Variants in SPATS2L observed in about 807,000 individuals in gnomAD.
The protein encoded by SPATS2L is SPATS2-like protein.
A neutral mutation model predicts 59.6 loss-of-function variants in SPATS2L; 30 were observed. The observed-to-expected ratio is 0.50, with a 90% confidence interval of 0.38 to 0.68. The LOEUF (loss-of-function observed/expected upper bound fraction) is 0.68, where lower values mean the gene tolerates loss of function less well. Ranked by LOEUF, SPATS2L falls within the 30% of genes least tolerant of loss-of-function variation. The probability of loss-of-function intolerance (pLI) is 0.00; values close to 1 mark genes in which losing one functional copy is unlikely to be tolerated. For synonymous variants in SPATS2L, 252 were observed against 263.5 expected, an observed-to-expected ratio of 0.96 and a Z score of 0.42; for missense variants, 615 against 700.0, an observed-to-expected ratio of 0.88 and a Z score of 1.37.
intron 3 of SPATS2L, among the ~76,000 whole-genome samples, chr2:200,391,339 T>A (rs1431814595): frequency 2.0e-5 from 3 of 152,256 alleles, no homozygotes; most frequent in Non-Finnish European, 4.4e-5. Flanking sequence ...TGTTATTTGA[T>A]GTGTTAATAG....
upstream of SPATS2L, chr2:200,306,288 C>T: frequency 5.0e-6 from 5 of 1,002,286 alleles, no homozygotes; most frequent in Non-Finnish European, 6.0e-6. Context: ...AGTTCATTTT[C>T]TCGGGTAGGA....
At chr2:200,320,755 G>A (rs1559036845) in intron 1 of SPATS2L, among the ~76,000 whole-genome samples, 1 of 152,162 alleles carries the variant, frequency 6.6e-6, no homozygotes, top group Non-Finnish European at 1.5e-5. Context: ...TCATATTAAT[G>A]TCAAATAGCT....
intron 2 of SPATS2L, among the ~76,000 whole-genome samples, chr2:200,337,126 A>G (rs7606064): frequency 8.0e-4 from 122 of 152,290 alleles, no homozygotes; most frequent in African/African-American, 2.9e-3. Context: ...TACAAGGATG[A>G]TTTATTATTT....
At chr2:200,462,944 A>C (rs567500090) in intron 9 of SPATS2L, among the ~76,000 whole-genome samples, 1 of 146,512 alleles carries the variant, frequency 6.8e-6, no homozygotes, top group Non-Finnish European at 1.5e-5. Context: ...TAATAACAAT[A>C]ATAATAATAA....
At chr2:200,439,845 A>T (rs2084568637) in intron 7 of SPATS2L, among the ~76,000 whole-genome samples, 1 of 152,198 alleles carries the variant, frequency 6.6e-6, no homozygotes, top group South Asian at 2.1e-4. Context: ...CTGGATTTTT[A>T]TGATTTTTCT....
At chr2:200,404,465 A>G (rs142435398) in intron 3 of SPATS2L, among the ~76,000 whole-genome samples, 2 of 152,332 alleles carry the variant, frequency 1.3e-5, no homozygotes, top group East Asian at 3.9e-4. Context: ...CCCTCACAAA[A>G]TGTGGCTTGA....
At chr2:200,347,515 G>A (rs2080555260) in intron 2 of SPATS2L, among the ~76,000 whole-genome samples, 1 of 152,094 alleles carries the variant, frequency 6.6e-6, no homozygotes, top group Non-Finnish European at 1.5e-5. Flanking sequence ...CAAAGCCCCC[G>A]GTTTGCATGT....
At chr2:200,341,576 G>GT (rs1491029032) in intron 2 of SPATS2L, among the ~76,000 whole-genome samples, 1 of 133,466 alleles carries the variant, frequency 7.5e-6, no homozygotes, top group Non-Finnish European at 1.7e-5. Flanking sequence ...GAAAAACTGT[G>GT]TTTTTTTAAG....
intron 1 of SPATS2L, among the ~76,000 whole-genome samples, chr2:200,309,353 G>A (rs533830833): frequency 2.0e-5 from 3 of 152,296 alleles, no homozygotes; most frequent in South Asian, 2.1e-4. Context: ...GTTGCTCTTC[G>A]TAAGATCTAA....
At chr2:200,340,780 T>A (rs2080298049) in intron 2 of SPATS2L, among the ~76,000 whole-genome samples, 1 of 152,194 alleles carries the variant, frequency 6.6e-6, no homozygotes, top group Non-Finnish European at 1.5e-5. Context: ...AATACTTAAA[T>A]CATGTATAGT....
chr2:200,425,658 C>A (rs72922016), intron 6 of SPATS2L, among the ~76,000 whole-genome samples: 1 of 152,162 alleles, frequency 6.6e-6, no homozygotes, highest in Admixed American at 6.5e-5. Context: ...TCTTATCATT[C>A]ATTTATCCAT....
intron 6 of SPATS2L, among the ~76,000 whole-genome samples, chr2:200,432,431 T>G (rs2083994960): frequency 7.1e-6 from 1 of 139,954 alleles, no homozygotes; most frequent in South Asian, 2.5e-4. Context: ...CCCAACTTGT[T>G]CTTTTAGCTG....
intron 2 of SPATS2L, among the ~76,000 whole-genome samples, chr2:200,337,212 T>C (rs1220858973): frequency 4.6e-5 from 7 of 152,234 alleles, no homozygotes; most frequent in Non-Finnish European, 1.0e-4. Context: ...GTAGGTGTCC[T>C]GACTAATGCT....
chr2:200,381,234 C>G (rs1419583454), intron 2 of SPATS2L, among the ~76,000 whole-genome samples: 1 of 152,170 alleles, frequency 6.6e-6, no homozygotes, highest in Non-Finnish European at 1.5e-5. Flanking sequence ...TGGTTAGTCT[C>G]TGGTTTAAAA....
In SPATS2L at chr2:200,324,812, A is replaced by G. The variant is rs968183252; in HGVS notation, c.-72-4619A>G. ...ACTTAGGCAAGTATCAGCAGAGCAC[A>G]ATTTCAATACAGCAGAAGACTTTGG... On this transcript the variant is annotated intron_variant, in intron 1 of 12. Transcript: ENST00000409140. 5.5e-4 allele frequency among the ~76,000 whole-genome samples: 83 copies of G among 152,238 alleles called. 7 individuals are homozygous for G.
At chr2:200,465,857 C>A (rs2086558467) in intron 9 of SPATS2L, among the ~76,000 whole-genome samples, 1 of 152,104 alleles carries the variant, frequency 6.6e-6, no homozygotes, top group South Asian at 2.1e-4. Flanking sequence ...ATGGTGAAAC[C>A]CCGTCTCTAC....
At chr2:200,336,125 C>CA (rs964910827) in intron 2 of SPATS2L, among the ~76,000 whole-genome samples, 1 of 152,068 alleles carries the variant, frequency 6.6e-6, no homozygotes, top group East Asian at 1.9e-4. Context: ...ATATTGCAAG[C>CA]AAAAAAAGAA....
chr2:200,333,080 AGAC>A (rs2080006047), intron 2 of SPATS2L, among the ~76,000 whole-genome samples: 1 of 152,002 alleles, frequency 6.6e-6, no homozygotes. Context: ...CAGGAGTTCA[AGAC>A]CAGCCTGGGC....
chr2:200,426,176 C>T (rs1301001754), intron 6 of SPATS2L, among the ~76,000 whole-genome samples: 1 of 139,894 alleles, frequency 7.1e-6, no homozygotes, highest in East Asian at 2.2e-4. Flanking sequence ...CTGCAACCTC[C>T]ATCTCCTGGG....
Sources: allele counts gnomAD v4.1 joint callset (sites outside exome capture counted in the v4.1 genomes callset), GRCh38; gene constraint gnomAD v4.1.1; transcripts MANE v1.5; gene names NCBI Gene and HGNC (gene_info 2026-07-23, HGNC 2026-07-21).